ANAPC5: variants seen among roughly 807,000 people sequenced by gnomAD.
ANAPC5 encodes the protein anaphase-promoting complex subunit 5.
Under a neutral mutation model 91.3 loss-of-function variants are expected in ANAPC5, and 60 were observed. The observed-to-expected ratio is 0.66, with a 90% CI of 0.53 to 0.81. ANAPC5 has a LOEUF of 0.81. Among genes scored for constraint, ANAPC5 ranks in the 40% least tolerant of loss-of-function variants. The probability of loss-of-function intolerance (pLI) is 0.00; values close to 1 mark genes in which losing one functional copy is unlikely to be tolerated. For synonymous variants in ANAPC5, 340 were observed against 364.1 expected (o/e 0.93, Z 0.75); for missense variants, 690 against 931.5 (o/e 0.74, Z 3.37).
rs1189733025 is a variant in ANAPC5, at chr12:121,309,733, GCTGAA to G, written c.2019_2023del (p.Ala675PhefsTer20). 1 of 1,613,914 alleles carries G rather than the reference GCTGAA, an allele frequency of 6.2e-7. No homozygotes were observed. Among genetic ancestry groups the G allele is most frequent in the Non-Finnish European group, 8.5e-7 (1 of 1,179,962 alleles). On this transcript the variant is annotated frameshift_variant, in exon 16 of 17. Transcript: ENST00000261819. LOFTEE classifies it high-confidence loss of function. ...TTTCTTCGGCTGATCGTAGGAAGCT[GCTGAA>G]GCCACCTGGCACTTGGCCACTAAGA...
chr12:121,346,115 T>C (rs1903658851), intron 3 of ANAPC5, 84 bp from the exon 4 acceptor site: 4 of 1,092,418 alleles, frequency 3.7e-6, no homozygotes, highest in Non-Finnish European at 5.3e-6. Context: ...GCAATGACTG[T>C]CTGCTGGAAT....
intron 11 of ANAPC5, among the ~76,000 whole-genome samples, chr12:121,322,797 C>T (rs920475713): frequency 6.6e-6 from 1 of 152,090 alleles, no homozygotes; most frequent in South Asian, 2.1e-4. Flanking sequence ...CCAAGGAGGG[C>T]AGATCACTTG....
intron 11 of ANAPC5, among the ~76,000 whole-genome samples, chr12:121,326,199 G>T (rs1902810929): frequency 6.6e-6 from 1 of 152,194 alleles, no homozygotes; most frequent in Non-Finnish European, 1.5e-5. Flanking sequence ...CTATAGGGAA[G>T]TATGTCTAGA....
chr12:121,325,367 G>T (rs1902768627), intron 11 of ANAPC5, among the ~76,000 whole-genome samples: 1 of 151,914 alleles, frequency 6.6e-6, no homozygotes, highest in Non-Finnish European at 1.5e-5. Flanking sequence ...GGAGGCTGAG[G>T]TAGGAGAATC....
At chr12:121,347,598 T>C in intron 2 of ANAPC5, 1 of 559,892 alleles carries the variant, frequency 1.8e-6, no homozygotes, top group Non-Finnish European at 3.2e-6. Context: ...ACCATTGTAC[T>C]CCAGCCTGGG....
At chr12:121,338,479 C>T (rs1234567744) in intron 5 of ANAPC5, among the ~76,000 whole-genome samples, 2 of 151,942 alleles carry the variant, frequency 1.3e-5, no homozygotes, top group South Asian at 2.1e-4. Flanking sequence ...ATCCTAGCTA[C>T]TCGGGAGGCT....
chr12:121,335,630 C>T lies in ANAPC5; in HGVS notation c.853G>A (p.Gly285Arg), dbSNP rs1555273379. The T allele has an allele frequency of 9.9e-6, 16 of 1,613,860 alleles. No homozygotes were observed. Among genetic ancestry groups the T allele is most frequent in the Non-Finnish European group, 1.1e-5 (13 of 1,179,908 alleles). Reference sequence around the variant, plus strand: ...TCCCCATTACTTTTGCTTTCGGCTCCGGTAAGAATCAGACGATCAAAATAA... The same window carrying T: ...TCCCCATTACTTTTGCTTTCGGCTCTGGTAAGAATCAGACGATCAAAATAA... ...LHYFDRLILT[G>R]AESKSNGEEG... The change falls in exon 7 of 17, where the codon GGA becomes AGA. Residue 285 changes from glycine (G) to arginine (R), a missense_variant. Gly to Arg is a moderately radical substitution (Grantham distance 125). Coordinates refer to ENST00000261819, the MANE Select transcript of ANAPC5 (RefSeq NM_016237.5).
chr12:121,318,173 G>C, intron 15 of ANAPC5, 104 bp downstream of exon 15: 1 of 1,327,154 alleles, frequency 7.5e-7, no homozygotes. Flanking sequence ...ACGTCAATAT[G>C]AACAAATGAA....
Position 121,320,549 on chromosome 12 carries a change from T to A in ANAPC5, c.1441-90A>T, listed in dbSNP as rs1593580783. 8.3e-6 allele frequency: 9 copies of A among 1,088,420 alleles called. No individual in the cohort carries two copies. In the East Asian group the frequency reaches 2.2e-4, roughly 26 times the overall value. 67.4% of individuals were successfully genotyped at this position (1,088,420 alleles called of 1,614,324 possible). The stretch of plus-strand genomic sequence containing the variant: ...CACAGATGGTGACAGATTCACCTGT[T>A]CCCGTTCTTGATGCAGCAACCTGAG... On this transcript the variant is annotated intron_variant, in intron 11 of 16. Coordinates refer to ENST00000261819, the MANE Select transcript of ANAPC5 (RefSeq NM_016237.5).
At position 121,318,327 on chromosome 12, in the gene ANAPC5, G is replaced by A. The variant is rs112808731; in HGVS notation, c.1843C>T (p.Arg615Trp). 3.2e-5 allele frequency: 51 copies of A among 1,600,192 alleles called. No individual in the cohort carries two copies. Among genetic ancestry groups the A allele is most frequent in the Non-Finnish European group, 3.8e-5 (45 of 1,175,128 alleles). Residue 615 changes from arginine (R) to tryptophan (W), a missense_variant, in exon 15 of 17, where the codon CGG becomes TGG. This residue lies in a region of ANAPC5 where 317 missense variants were observed against 438.7 expected (regional missense o/e 0.72). Transcript: ENST00000261819. ...LQALALSKEYRLQYLASETVL... is the reference protein window; with the variant it reads ...LQALALSKEYWLQYLASETVL... ...GTTTCAGAGGCCAAGTACTGTAACC[G>A]GTACTCCTTGGAGAGGGCCAGAGCC...
Position 121,308,436 on chromosome 12 carries a change from C to A in ANAPC5, c.*44G>T. The A allele has an allele frequency of 6.4e-7, 1 of 1,571,342 alleles. No individual in the cohort carries two copies. Among genetic ancestry groups the A allele is most frequent in the Non-Finnish European group, 8.7e-7 (1 of 1,144,948 alleles). ...GGGAGAGAGGGGACATGAACAAGTCCAAAATCTTATACTCTGCACAGCAGC... is the reference window on the plus strand; with the variant it reads ...GGGAGAGAGGGGACATGAACAAGTCAAAAATCTTATACTCTGCACAGCAGC... On this transcript the variant is annotated 3_prime_UTR_variant, in exon 17 of 17. Coordinates refer to ENST00000261819, the MANE Select transcript of ANAPC5 (RefSeq NM_016237.5).
In ANAPC5 at chr12:121,330,433, A is replaced by G. The variant is rs1903001014; in HGVS notation, c.1122+150T>C. The G allele has an allele frequency of 6.7e-6, 4 of 598,956 alleles. No homozygotes were observed. The East Asian group carries it at 1.2e-4, about 18-fold the overall frequency. The allele number at this position is 598,956 out of a possible 1,614,324, so 37.1% of individuals were successfully genotyped here. On this transcript the variant is annotated intron_variant, in intron 9 of 16. Coordinates refer to ENST00000261819, the MANE Select transcript of ANAPC5 (RefSeq NM_016237.5). Reference sequence around the variant, plus strand: ...CCACACAGAATTTAGTGGTCTGATTAATAATTAAAGTCATATGAAACTGCC... The same window carrying G: ...CCACACAGAATTTAGTGGTCTGATTGATAATTAAAGTCATATGAAACTGCC...
intron 15 of ANAPC5, among the ~76,000 whole-genome samples, chr12:121,317,025 G>C (rs1326479158): frequency 6.6e-6 from 1 of 152,096 alleles, no homozygotes; most frequent in African/African-American, 2.4e-5. Context: ...TATGCAAACT[G>C]TTCAGAATAG....
intron 1 of ANAPC5, 93 bp downstream of exon 1, chr12:121,352,041 T>C: frequency 1.7e-6 from 2 of 1,159,614 alleles, no homozygotes; most frequent in Non-Finnish European, 2.4e-6. Flanking sequence ...GAGTATCTGA[T>C]GGACACGAGT....
At chr12:121,352,604 G>A, upstream of ANAPC5, 1 of 444,222 alleles carries the variant, frequency 2.3e-6, no homozygotes, top group South Asian at 3.9e-5. Flanking sequence ...AGTGGGAGCA[G>A]GTTCCCAGGC....
At chr12:121,339,946 G>A (rs12821054) in intron 5 of ANAPC5, among the ~76,000 whole-genome samples, 6,043 of 139,486 alleles carry the variant, frequency 0.043, 156 homozygotes, top group Middle Eastern at 0.082. Flanking sequence ...GTGTGATCTC[G>A]GCTCACTGTA....
intron 16 of ANAPC5, among the ~76,000 whole-genome samples, chr12:121,309,486 C>T (rs1351976044): frequency 2.0e-5 from 3 of 152,018 alleles, no homozygotes; most frequent in Admixed American, 6.6e-5. Flanking sequence ...GTACTTGGCT[C>T]TATAGGGTTA....
intron 15 of ANAPC5, among the ~76,000 whole-genome samples, chr12:121,316,703 A>T (rs922915257): frequency 7.2e-6 from 1 of 139,226 alleles, no homozygotes; most frequent in Non-Finnish European, 1.5e-5. Context: ...ACTGCACTCC[A>T]GCCTGGGTGA....
Position 121,308,586 on chromosome 12 carries a change from T to C in ANAPC5, c.2162A>G (p.Tyr721Cys), listed in dbSNP as rs776818762. The change falls in exon 17 of 17, where the codon TAC (tyrosine) becomes TGC (cysteine). Residue 721 changes from tyrosine (Y) to cysteine (C), a missense_variant. By Grantham distance (194) the Tyr-to-Cys change is radical. Around this residue, in one of 5 missense-constraint regions of ANAPC5, gnomAD observed 317 missense variants for 438.7 expected, o/e 0.72. Coordinates refer to ENST00000261819, the MANE Select transcript of ANAPC5 (RefSeq NM_016237.5). ...RDVVYFQARLYHTLGKTQERN... is the reference protein window; with the variant it reads ...RDVVYFQARLCHTLGKTQERN... ...CTCCTGGGTCTTCCCCAGGGTATGGTAGAGTCTGGCCTGGAAGTAAACGAC... is the reference window on the plus strand; with the variant it reads ...CTCCTGGGTCTTCCCCAGGGTATGGCAGAGTCTGGCCTGGAAGTAAACGAC... 1.2e-6 allele frequency: 2 copies of C among 1,613,960 alleles called. No individual in the cohort carries two copies. Among genetic ancestry groups the C allele is most frequent in the African/African-American group, 2.7e-5 (2 of 74,890 alleles).
Sources: gnomAD v4.1 joint callset for allele counts (sites outside exome capture counted in the v4.1 genomes callset) on GRCh38, gnomAD v4.1.1 for gene constraint, gnomAD v4.1.1 regional missense constraint, MANE v1.5 for transcripts, NCBI Gene and HGNC (gene_info 2026-07-23, HGNC 2026-07-21) for gene names.